The following DOCK5 variants were observed in gnomAD, a reference collection of about 807,000 sequenced individuals.
The protein encoded by DOCK5 is dedicator of cytokinesis protein 5.
DOCK5 carries 142 observed loss-of-function variants against 251.8 expected under a neutral mutation model. The ratio of observed to expected loss-of-function variants is 0.56; its 90% confidence interval spans 0.49 to 0.65. The LOEUF (loss-of-function observed/expected upper bound fraction) is 0.65. Ranked by LOEUF, DOCK5 falls within the 30% of genes least tolerant of loss-of-function variation. The pLI is 0.00. For synonymous variants in DOCK5, 842 were observed against 835.5 expected, an observed-to-expected ratio of 1.01 and a Z score of -0.13; for missense variants, 2,111 against 2,312.3, an observed-to-expected ratio of 0.91 and a Z score of 1.79.
chr8:25,357,566 TG>T (rs374542554), intron 27 of DOCK5, among the ~76,000 whole-genome samples: 1 of 151,756 alleles, frequency 6.6e-6, no homozygotes, highest in African/African-American at 2.4e-5. Flanking sequence ...TTAATAGAGA[TG>T]GGGTTTCACC....
chr8:25,411,465 T>G lies in DOCK5; in HGVS notation c.*167T>G. 3 of 1,061,944 alleles carry G rather than the reference T, an allele frequency of 2.8e-6. No individual in the cohort carries two copies. The highest frequency in any genetic ancestry group is 2.4e-6 in the Non-Finnish European group (2 of 816,594). 65.8% of individuals were successfully genotyped at this position (1,061,944 alleles called of 1,614,324 possible). The stretch of plus-strand genomic sequence containing the variant: ...TCATGTTCTTCCAAAAGCTTCTCTT[T>G]GATAGAATTTTGAGGCCATGCCACC... On this transcript the variant is annotated 3_prime_UTR_variant, in exon 52 of 52. Transcript: ENST00000276440.
chr8:25,402,584 C>T (rs377160964), intron 47 of DOCK5, among the ~76,000 whole-genome samples: 19 of 151,670 alleles, frequency 1.3e-4, no homozygotes, highest in Admixed American at 5.9e-4. Context: ...GTGTGAGCCA[C>T]CGCGCCCGGC....
In DOCK5 at chr8:25,243,667, T is replaced by C; in HGVS notation, c.44-7T>C. Reference sequence around the variant, plus strand: ...TCTAATTTCCCTTTTTTATTTCTCATTTCCAGCGATCTATAACTACAATGC... The same window carrying C: ...TCTAATTTCCCTTTTTTATTTCTCACTTCCAGCGATCTATAACTACAATGC... On this transcript the variant is annotated splice_region_variant and splice_polypyrimidine_tract_variant and intron_variant, in intron 1 of 51. Transcript: ENST00000276440. 2.5e-6 allele frequency: 4 copies of C among 1,612,510 alleles called. No individual in the cohort carries two copies. Among genetic ancestry groups the C allele is most frequent in the Non-Finnish European group, 3.4e-6 (4 of 1,179,132 alleles).
At chr8:25,376,251 C>T in intron 37 of DOCK5, 2 of 985,396 alleles carry the variant, frequency 2.0e-6, no homozygotes, top group Non-Finnish European at 2.4e-6. Context: ...AAGGTAAACT[C>T]TCCTATCCTG....
chr8:25,343,165 A>ATT (rs35190943), intron 25 of DOCK5, among the ~76,000 whole-genome samples: 1 of 141,682 alleles, frequency 7.1e-6, no homozygotes, highest in African/African-American at 2.6e-5. Flanking sequence ...CACCCAGCTA[A>ATT]TTTTTTTTTT....
chr8:25,195,372 A>G (rs963935912), intron 1 of DOCK5, among the ~76,000 whole-genome samples: 6 of 150,772 alleles, frequency 4.0e-5, no homozygotes, highest in Admixed American at 3.3e-4. Context: ...AATTACAGGC[A>G]TGAACCACCA....
chr8:25,311,281 C>T (rs116429784), intron 13 of DOCK5, among the ~76,000 whole-genome samples: 4,499 of 152,148 alleles, frequency 0.03, 228 homozygotes, highest in African/African-American at 0.1. Flanking sequence ...GGGTGGCTCA[C>T]GCCTGTAAAA....
At chr8:25,340,839 A>G (rs778245063) in intron 22 of DOCK5, 38 bp from the exon 23 acceptor site, 13 of 1,556,676 alleles carry the variant, frequency 8.4e-6, no homozygotes, top group African/African-American at 2.7e-5. Flanking sequence ...TCTTTTAACA[A>G]TGGAAAGTCC....
At chr8:25,288,608 T>G (rs1804404625) in intron 5 of DOCK5, among the ~76,000 whole-genome samples, 1 of 152,232 alleles carries the variant, frequency 6.6e-6, no homozygotes, top group Non-Finnish European at 1.5e-5. Flanking sequence ...TACCATATTA[T>G]GAGAAGCAAT....
chr8:25,376,293 T>C (rs1409824062), intron 37 of DOCK5: 15 of 985,268 alleles, frequency 1.5e-5, no homozygotes, highest in Non-Finnish European at 1.8e-5. Context: ...TGCAGCTTTT[T>C]TTCCCCCCAG....
chr8:25,299,398 T>C (rs536300964), intron 8 of DOCK5: 13 of 293,224 alleles, frequency 4.4e-5, no homozygotes, highest in East Asian at 2.8e-4. Context: ...AAGGGATGAA[T>C]AGGCAGAGCA....
At chr8:25,321,415 ATTC>A (rs1266329613) in intron 16 of DOCK5, among the ~76,000 whole-genome samples, 6 of 152,078 alleles carry the variant, frequency 3.9e-5, no homozygotes, top group African/African-American at 1.5e-4. Flanking sequence ...TGTTTTCTTT[ATTC>A]TTATTACATT....
intron 11 of DOCK5, among the ~76,000 whole-genome samples, chr8:25,308,099 C>T (rs1804995164): frequency 1.3e-5 from 2 of 152,122 alleles, no homozygotes. Flanking sequence ...TTGTACTGCA[C>T]CAGGCCGATG....
chr8:25,258,214 A>G (rs12549196), intron 2 of DOCK5, among the ~76,000 whole-genome samples: 37,405 of 151,352 alleles, frequency 0.25, 6,457 homozygotes, highest in African/African-American at 0.49. Context: ...CCTCTTCCTC[A>G]TCCCTCACTG....
At chr8:25,293,635 C>T (rs1046706441) in intron 6 of DOCK5, among the ~76,000 whole-genome samples, 2 of 152,154 alleles carry the variant, frequency 1.3e-5, no homozygotes, top group East Asian at 1.9e-4. Flanking sequence ...GTGCCCTTCC[C>T]TATTACTTGA....
At chr8:25,354,527 C>T (rs1007514528) in intron 27 of DOCK5, among the ~76,000 whole-genome samples, 2 of 152,154 alleles carry the variant, frequency 1.3e-5, no homozygotes, top group African/African-American at 4.8e-5. Flanking sequence ...CAGCAGTACT[C>T]CCGCCGTGCT....
intron 1 of DOCK5, among the ~76,000 whole-genome samples, chr8:25,215,886 C>T (rs1008384248): frequency 1.3e-5 from 2 of 150,914 alleles, no homozygotes; most frequent in East Asian, 3.9e-4. Context: ...TTAAAAGTAA[C>T]ACCTCTCAGA....
chr8:25,412,884 T>C lies in DOCK5; in HGVS notation c.*1586T>C, dbSNP rs1025189120. The C allele has an allele frequency of 2.6e-5, 4 of 152,210 alleles. 1 individual carries two copies. In the South Asian group the frequency reaches 8.3e-4, roughly 32 times the overall value. 9.4% of individuals were successfully genotyped at this position (152,210 alleles called of 1,614,324 possible). A position where few individuals can be genotyped will look rare whatever the true frequency, so the allele number is the denominator to read the frequency against. The stretch of plus-strand genomic sequence containing the variant: ...GGTCAGGGAAGCAAAAGCTCTCAGA[T>C]GTGTCCAGGGCGTTACTTAAGAAAT... On this transcript the variant is annotated 3_prime_UTR_variant, in exon 52 of 52. Coordinates refer to ENST00000276440, the MANE Select transcript of DOCK5 (RefSeq NM_024940.8).
chr8:25,375,872 C>T (rs1563221378), intron 37 of DOCK5: 1 of 936,542 alleles, frequency 1.1e-6, no homozygotes, highest in Non-Finnish European at 1.3e-6. Context: ...CTGAGGCCAG[C>T]AGATCACTTG....
Sources: gnomAD v4.1 joint callset for allele counts (sites outside exome capture counted in the v4.1 genomes callset) on GRCh38, gnomAD v4.1.1 for gene constraint, MANE v1.5 for transcripts, NCBI Gene and HGNC (gene_info 2026-07-23, HGNC 2026-07-21) for gene names.